MID2: variants seen among roughly 807,000 people sequenced by gnomAD.
MID2 encodes midline 2.
A neutral mutation model predicts 46.1 loss-of-function variants in MID2; 13 were observed. That is an observed-to-expected ratio of 0.28 (90% CI 0.18 to 0.45). The LOEUF (loss-of-function observed/expected upper bound fraction) is 0.45. MID2 is among the 20% of genes least tolerant of loss of function. The pLI, the probability that MID2 is intolerant of heterozygous loss-of-function variation, is 1.00. For synonymous variants in MID2, 199 were observed against 212.3 expected, an observed-to-expected ratio of 0.94 and a Z score of 0.55; for missense variants, 431 against 575.4, an observed-to-expected ratio of 0.75 and a Z score of 2.57.
At chrX:107,904,488 C>T (rs1000643069) in intron 4 of MID2, among the ~76,000 whole-genome samples, 8 of 111,076 alleles carry the variant, frequency 7.2e-5, no homozygotes, top group African/African-American at 2.6e-4. Context: ...GGGAGAAAGA[C>T]GGATTGATAT....
At chrX:107,848,179 G>A (rs747224093) in intron 2 of MID2, among the ~76,000 whole-genome samples, 2 of 110,748 alleles carry the variant, frequency 1.8e-5, no homozygotes, top group Non-Finnish European at 3.8e-5. Context: ...CAGAACACTC[G>A]TGGTCTAGAA....
chrX:107,872,557 C>T (rs1932097907), intron 3 of MID2, among the ~76,000 whole-genome samples: 1 of 112,250 alleles, frequency 8.9e-6, no homozygotes, highest in African/African-American at 3.2e-5. Flanking sequence ...ATGCAGGTAA[C>T]TCTGTCAGCT....
chrX:107,911,647 A>G (rs768708604), intron 5 of MID2, among the ~76,000 whole-genome samples: 2 of 112,086 alleles, frequency 1.8e-5, no homozygotes, highest in African/African-American at 6.5e-5. Flanking sequence ...TTTCCTAAAT[A>G]TCTGGCAAAC....
intron 3 of MID2, among the ~76,000 whole-genome samples, chrX:107,878,852 A>G (rs1377045372): frequency 8.9e-6 from 1 of 112,368 alleles, no homozygotes; most frequent in East Asian, 2.8e-4. Flanking sequence ...CACCCTTCTG[A>G]CGTATCCCAG....
intron 3 of MID2, among the ~76,000 whole-genome samples, chrX:107,858,977 G>A (rs781214018): frequency 5.4e-5 from 6 of 111,396 alleles, no homozygotes; most frequent in Non-Finnish European, 9.4e-5. Context: ...GAGAGGGAGA[G>A]GTTTCCCTTA....
In MID2 at chrX:107,854,600, C is replaced by T. The variant is rs368097989; in HGVS notation, c.721-9C>T. 4.4e-5 allele frequency: 52 copies of T among 1,192,236 alleles called. No homozygotes were observed. The South Asian group carries it at 4.6e-4, about 11-fold the overall frequency. ...TTCCCCTCTGGATTCATACCCTCTG[C>T]GATGACAGCAAACTCTGGAGATGAA... On this transcript the variant is annotated splice_polypyrimidine_tract_variant and intron_variant, in intron 2 of 9. Coordinates refer to ENST00000262843, the MANE Select transcript of MID2 (RefSeq NM_012216.4).
At chrX:107,852,018 G>A (rs1298768409) in intron 2 of MID2, among the ~76,000 whole-genome samples, 2 of 110,952 alleles carry the variant, frequency 1.8e-5, no homozygotes. Flanking sequence ...TCAGCCTCCC[G>A]AGTAGCTGAG....
At chrX:107,904,406 C>T (rs150022207) in intron 4 of MID2, among the ~76,000 whole-genome samples, 6 of 111,586 alleles carry the variant, frequency 5.4e-5, no homozygotes, top group African/African-American at 2.0e-4. Context: ...GGATTATGGA[C>T]CATGAATTCC....
Position 107,857,281 on chromosome X carries a change from CT to C in MID2, c.816+2594del, listed in dbSNP as rs1172837242. Among the ~76,000 whole-genome samples the C allele has an allele frequency of 6.3e-3, 611 of 97,392 alleles. 5 individuals carry two copies. The highest frequency in any genetic ancestry group is 0.019 in the African/African-American group (512 of 26,868). 84.6% of individuals were successfully genotyped at this position (97,392 alleles called of 115,157 possible). The stretch of plus-strand genomic sequence containing the variant: ...GTTAGGGATGTGCCCTTAACTTCCT[CT>C]TTTTTTTTTTTTTTTTGAGATGGAA... On this transcript the variant is annotated intron_variant, in intron 3 of 9. Coordinates refer to ENST00000262843, the MANE Select transcript of MID2 (RefSeq NM_012216.4).
intron 3 of MID2, among the ~76,000 whole-genome samples, chrX:107,903,492 A>T (rs73533434): frequency 0.019 from 2,113 of 112,253 alleles, 51 homozygotes; most frequent in African/African-American, 0.064. Context: ...GTTTAATGAT[A>T]TATTTAATGT....
intron 3 of MID2, among the ~76,000 whole-genome samples, chrX:107,890,579 A>G (rs191925419): frequency 2.2e-4 from 25 of 112,189 alleles, no homozygotes; most frequent in African/African-American, 7.8e-4. Context: ...ATCCACTTGA[A>G]GAGGCAGTCT....
Position 107,900,473 on chromosome X carries a change from C to A in MID2, c.817-3485C>A, listed in dbSNP as rs565135464. Among the ~76,000 whole-genome samples the A allele has an allele frequency of 2.3e-4, 25 of 110,922 alleles. No homozygotes were observed. In the South Asian group the frequency reaches 9.7e-3, roughly 43 times the overall value. ...ATTACTGATATTCTCCTTGGGTATG[C>A]CCTGTCCACATCACAACAGCCTCCT... On this transcript the variant is annotated intron_variant, in intron 3 of 9. Coordinates refer to ENST00000262843, the MANE Select transcript of MID2 (RefSeq NM_012216.4).
At chrX:107,849,463 G>T (rs779622882) in intron 2 of MID2, among the ~76,000 whole-genome samples, 2 of 109,951 alleles carry the variant, frequency 1.8e-5, no homozygotes, top group Non-Finnish European at 3.8e-5. Flanking sequence ...GAAATAATCT[G>T]TGTCTAGAGA....
intron 8 of MID2, 27 bp from the exon 9 acceptor site, chrX:107,926,066 CT>C (rs763123967): frequency 0.025 from 18,237 of 738,474 alleles, 1 homozygote; most frequent in Non-Finnish European, 0.027. Flanking sequence ...AGTGCTTTTT[CT>C]TTTTTTTTTT....
At position 107,928,671 on chromosome X, in the gene MID2, A is replaced by G. The variant is rs1933230759; in HGVS notation, c.*1598A>G. Among the ~76,000 whole-genome samples the G allele has an allele frequency of 9.0e-6, 1 of 111,455 alleles. No homozygotes were observed. Among genetic ancestry groups the G allele is most frequent in the Admixed American group, 9.5e-5 (1 of 10,505 alleles). On this transcript the variant is annotated 3_prime_UTR_variant, in exon 10 of 10. Coordinates refer to ENST00000262843, the MANE Select transcript of MID2 (RefSeq NM_012216.4). ...AGATGCCAGGTACCAAACTACTGCC[A>G]TGGGAGTGCACATATTAACAAAATG...
intron 1 of MID2, among the ~76,000 whole-genome samples, chrX:107,839,734 A>C (rs7885256): frequency 0.25 from 28,304 of 111,197 alleles, 4,536 homozygotes; most frequent in African/African-American, 0.6. Context: ...AAATTTCTGG[A>C]ACTTTGCTAA....
chrX:107,882,675 A>AACCAGT (rs1446203611), intron 3 of MID2, among the ~76,000 whole-genome samples: 1 of 112,015 alleles, frequency 8.9e-6, no homozygotes, highest in East Asian at 2.8e-4. Flanking sequence ...ACCAGTTAGA[A>AACCAGT]TGGCGATCAT....
chrX:107,887,318 G>C (rs1344959833), intron 3 of MID2, among the ~76,000 whole-genome samples: 5 of 112,040 alleles, frequency 4.5e-5, no homozygotes, highest in Non-Finnish European at 9.4e-5. Flanking sequence ...AATTTCTTGA[G>C]AGTTTTTAGC....
At chrX:107,846,150 A>C (rs2147829239) in intron 2 of MID2, among the ~76,000 whole-genome samples, 1 of 111,306 alleles carries the variant, frequency 9.0e-6, no homozygotes, top group Non-Finnish European at 1.9e-5. Flanking sequence ...AGGGAGTGTT[A>C]GAGCCTCAGC....
Sources: gnomAD v4.1 joint callset for allele counts (sites outside exome capture counted in the v4.1 genomes callset) on GRCh38, gnomAD v4.1.1 for gene constraint, MANE v1.5 for transcripts, NCBI Gene and HGNC (gene_info 2026-07-23, HGNC 2026-07-21) for gene names.